ADAMTS5: variants seen among roughly 807,000 people sequenced by gnomAD.
ADAMTS5 encodes the protein ADAM metallopeptidase with thrombospondin type 1 motif 5, also known as A disintegrin and metalloproteinase with thrombospondin motifs 5.
Under a neutral mutation model 81.4 loss-of-function variants are expected in ADAMTS5, and 54 were observed. The ratio of observed to expected loss-of-function variants is 0.66; its 90% CI spans 0.53 to 0.83. The LOEUF (loss-of-function observed/expected upper bound fraction) is 0.83. ADAMTS5 is among the 40% of genes least tolerant of loss of function. ADAMTS5 has a pLI of 0.00. For missense variants in ADAMTS5, 1,194 were observed against 1,229.9 expected (o/e 0.97, Z 0.44); for synonymous variants, 532 against 508.8 (o/e 1.05, Z -0.61).
chr21:26,941,553 A>G (rs1987114809), intron 3 of ADAMTS5, among the ~76,000 whole-genome samples: 1 of 152,134 alleles, frequency 6.6e-6, no homozygotes, highest in African/African-American at 2.4e-5. Flanking sequence ...TTCCAAAATT[A>G]GGAACAAAAT....
chr21:26,921,455 T>TC lies in ADAMTS5; in HGVS notation c.*2597_*2598insG, dbSNP rs1568835164. On this transcript the variant is annotated 3_prime_UTR_variant, in exon 8 of 8. Transcript: ENST00000284987. ...CATTTTCAGACGAATTCTTTTTTTTTTTTTTTTTTAAAGAAGTAGCCCCTA... is the reference window on the plus strand; with the variant it reads ...CATTTTCAGACGAATTCTTTTTTTTTCTTTTTTTTTAAAGAAGTAGCCCCTA... 2 of 151,604 alleles carry TC rather than the reference T, an allele frequency of 1.3e-5. No individual in the cohort carries two copies. Among genetic ancestry groups the TC allele is most frequent in the South Asian group, 2.1e-4 (1 of 4,820 alleles). 9.4% of individuals were successfully genotyped at this position (151,604 alleles called of 1,614,324 possible).
intron 2 of ADAMTS5, among the ~76,000 whole-genome samples, chr21:26,950,032 G>A (rs984412737): frequency 6.6e-6 from 1 of 152,150 alleles, no homozygotes; most frequent in African/African-American, 2.4e-5. Flanking sequence ...CAAAACACAG[G>A]CGGCTTTGCT....
rs1275341195 is a variant in ADAMTS5 at position 26,965,245 on chromosome 21, C to G, written c.1104+43G>C. ...CAGCAAGATTCCCTTCTACCTACCT[C>G]CTGATATCAGCGCTGGGACCCCCGC... On this transcript the variant is annotated intron_variant, in intron 1 of 7. Coordinates refer to ENST00000284987, the MANE Select transcript of ADAMTS5 (RefSeq NM_007038.5). 1.9e-6 allele frequency: 3 copies of G among 1,568,562 alleles called. No homozygotes were observed. The African/African-American group carries it at 4.0e-5, about 21-fold the overall frequency.
intron 7 of ADAMTS5, among the ~76,000 whole-genome samples, chr21:26,928,283 AT>A (rs1986840136): frequency 6.6e-6 from 1 of 152,148 alleles, no homozygotes; most frequent in Non-Finnish European, 1.5e-5. Context: ...AATCATATAA[AT>A]TACTATGGCC....
At chr21:26,934,271 C>G (rs1263459753) in intron 4 of ADAMTS5, among the ~76,000 whole-genome samples, 195 bp downstream of exon 4, 1 of 152,156 alleles carries the variant, frequency 6.6e-6, no homozygotes, top group Non-Finnish European at 1.5e-5. Flanking sequence ...TTCCCAGTAT[C>G]TGCATTTTCC....
intron 7 of ADAMTS5, among the ~76,000 whole-genome samples, chr21:26,926,148 A>G (rs1986802408): frequency 6.6e-6 from 1 of 152,148 alleles, no homozygotes. Context: ...GCGCATGCCT[A>G]TGGTCCTAGC....
intron 7 of ADAMTS5, among the ~76,000 whole-genome samples, chr21:26,929,337 G>A (rs1986863501): frequency 6.6e-6 from 1 of 152,062 alleles, no homozygotes; most frequent in African/African-American, 2.4e-5. Flanking sequence ...AATATTTAAA[G>A]CAAAAATCTA....
At chr21:26,950,535 A>G (rs753187857) in intron 2 of ADAMTS5, among the ~76,000 whole-genome samples, 1 of 152,228 alleles carries the variant, frequency 6.6e-6, no homozygotes, top group Non-Finnish European at 1.5e-5. Context: ...AATTTAGCCA[A>G]CATTTACATG....
At chr21:26,927,876 G>C (rs1340809906) in intron 7 of ADAMTS5, among the ~76,000 whole-genome samples, 1 of 152,026 alleles carries the variant, frequency 6.6e-6, no homozygotes, top group Non-Finnish European at 1.5e-5. Flanking sequence ...TGGAGATGTG[G>C]TGGAAATAGA....
intron 2 of ADAMTS5, among the ~76,000 whole-genome samples, chr21:26,945,597 T>C (rs1987200498): frequency 6.6e-6 from 1 of 152,170 alleles, no homozygotes; most frequent in South Asian, 2.1e-4. Context: ...AGACACGAAA[T>C]TCACTTTGAG....
rs1283131405 is a variant in ADAMTS5 at position 26,966,380 on chromosome 21, C to G, written c.12G>C (p.Gly4=). The G allele has an allele frequency of 6.7e-7, 1 of 1,487,410 alleles. No homozygotes were observed. The highest frequency in any genetic ancestry group is 8.9e-7 in the Non-Finnish European group (1 of 1,129,140). 92.1% of individuals were successfully genotyped at this position (1,487,410 alleles called of 1,614,324 possible). A position where few individuals can be genotyped will look rare whatever the true frequency, so the allele number is the denominator to read the frequency against. The change falls in exon 1 of 8, where the codon GGG becomes GGC. Residue 4 remains glycine, a synonymous_variant. Transcript: ENST00000284987. ...ACGCGCACAGCAGCAGGGACGCCCA[C>G]CCGAGCAGCATAGTGCGCTGCCCGC... MLL[G]WASLLLCAFR...
Position 26,966,972 on chromosome 21 carries a change from G to A in ADAMTS5, c.-581C>T, listed in dbSNP as rs1987700608. The stretch of plus-strand genomic sequence containing the variant: ...AAAATTAAAACAAAAATGCAGGGGG[G>A]CAGCCTGAGGCGAGCTGGTGAAGCG... On this transcript the variant is annotated 5_prime_UTR_variant, in exon 1 of 8. Transcript: ENST00000284987. Among the ~76,000 whole-genome samples the A allele has an allele frequency of 6.6e-6, 1 of 152,224 alleles. No homozygotes were observed. The highest frequency in any genetic ancestry group is 1.5e-5 in the Non-Finnish European group (1 of 68,034).
rs1369234219 is a variant in ADAMTS5, at chr21:26,966,359, G to T, written c.33C>A (p.Cys11Ter). The change falls in exon 1 of 8, where the codon TGC becomes TGA. Residue 11 changes from cysteine (C) to a stop codon, truncating the protein, a stop_gained. Coordinates refer to ENST00000284987, the MANE Select transcript of ADAMTS5 (RefSeq NM_007038.5). LOFTEE classifies it high-confidence loss of function. ...CCGCGGCCAGGGGCAGGCGGAACGC[G>T]CACAGCAGCAGGGACGCCCACCCGA... is the stretch of plus-strand genomic sequence containing the variant. Reference protein sequence around the residue: MLLGWASLLLCAFRLPLAAVG... With the variant: MLLGWASLLL The T allele has an allele frequency of 6.7e-7, 1 of 1,499,852 alleles. No individual in the cohort carries two copies. 92.9% of individuals were successfully genotyped at this position (1,499,852 alleles called of 1,614,324 possible).
intron 7 of ADAMTS5, among the ~76,000 whole-genome samples, chr21:26,927,892 C>A (rs1986833641): frequency 6.6e-6 from 1 of 151,906 alleles, no homozygotes; most frequent in Non-Finnish European, 1.5e-5. Flanking sequence ...ATAGAACTGA[C>A]AGGATCTGCT....
chr21:26,933,696 C>A (rs1183949800), intron 4 of ADAMTS5, among the ~76,000 whole-genome samples: 3 of 152,158 alleles, frequency 2.0e-5, no homozygotes, highest in East Asian at 3.9e-4. Context: ...TGGAAACATT[C>A]CTGGAGGGAG....
chr21:26,949,718 T>G (rs921696444), intron 2 of ADAMTS5, among the ~76,000 whole-genome samples: 3 of 152,202 alleles, frequency 2.0e-5, no homozygotes, highest in Non-Finnish European at 4.4e-5. Flanking sequence ...TTCCTCAACA[T>G]ATAGCAAAAA....
intron 3 of ADAMTS5, 115 bp from the exon 4 acceptor site, chr21:26,934,864 T>C: frequency 1.5e-6 from 2 of 1,362,640 alleles, no homozygotes. Flanking sequence ...CACCCATGAA[T>C]CTGTAGTGTA....
chr21:26,932,462 G>C (rs1280714352), intron 5 of ADAMTS5, among the ~76,000 whole-genome samples: 3 of 152,126 alleles, frequency 2.0e-5, no homozygotes, highest in African/African-American at 4.8e-5. Flanking sequence ...AGGGGGCCGA[G>C]GAGGGTGGAT....
intron 3 of ADAMTS5, among the ~76,000 whole-genome samples, chr21:26,941,408 T>C (rs890618224): frequency 6.6e-6 from 1 of 152,106 alleles, no homozygotes; most frequent in Non-Finnish European, 1.5e-5. Flanking sequence ...AAATTTGTTA[T>C]AAAATCTTTA....
Sources: allele counts gnomAD v4.1 joint callset (sites outside exome capture counted in the v4.1 genomes callset), GRCh38; gene constraint gnomAD v4.1.1; transcripts MANE v1.5; gene names NCBI Gene and HGNC (gene_info 2026-07-23, HGNC 2026-07-21).